MCM3AP: variants seen among roughly 807,000 people sequenced by gnomAD.
MCM3AP encodes the protein germinal-center associated nuclear protein.
MCM3AP carries 126 observed loss-of-function variants against 184.1 expected under a neutral mutation model. The observed-to-expected ratio is 0.68, with a 90% CI of 0.59 to 0.79. MCM3AP has a LOEUF of 0.79. MCM3AP is among the 30% of genes least tolerant of loss of function. The pLI, the probability that MCM3AP is intolerant of heterozygous loss-of-function variation, is 0.00. For missense variants in MCM3AP, 2,496 were observed against 2,479.2 expected, an observed-to-expected ratio of 1.01 and a Z score of -0.14; for synonymous variants, 1,002 against 979.3, an observed-to-expected ratio of 1.02 and a Z score of -0.43.
chr21:46,254,578 A>G, intron 18 of MCM3AP, 52 bp from the exon 19 acceptor site: 1 of 1,603,668 alleles, frequency 6.2e-7, no homozygotes, highest in Non-Finnish European at 8.5e-7. Context: ...CCCTTGCAGG[A>G]GCAGCACACA....
At chr21:46,263,683 G>A (rs534941057) in intron 13 of MCM3AP, among the ~76,000 whole-genome samples, 1 of 146,448 alleles carries the variant, frequency 6.8e-6, no homozygotes, top group South Asian at 2.2e-4. Flanking sequence ...GGGAAGCTGA[G>A]GCAGAAGAAT....
At chr21:46,262,167 T>C (rs17176520) in intron 13 of MCM3AP, among the ~76,000 whole-genome samples, 64,377 of 151,972 alleles carry the variant, frequency 0.42, 14,038 homozygotes, top group Admixed American at 0.48. Flanking sequence ...GTAAGGAGAC[T>C]TCCAAACAAA....
chr21:46,244,832 C>A lies in MCM3AP; in HGVS notation c.5013G>T (p.Pro1671=), dbSNP rs17183255. 15 of 1,613,572 alleles carry A rather than the reference C, an allele frequency of 9.3e-6. No homozygotes were observed. Among genetic ancestry groups the A allele is most frequent in the East Asian group, 2.2e-5 (1 of 44,884 alleles). ...LKQAVLGFQL[P]QMDLPPLGAP... Reference sequence around the variant, plus strand: ...CCCCCAGGGGTGGAAGGTCCATCTGCGGAAGCTGGAACCCGAGCACAGCCT... The same window carrying A: ...CCCCCAGGGGTGGAAGGTCCATCTGAGGAAGCTGGAACCCGAGCACAGCCT... Residue 1671 remains proline (P), a synonymous_variant, in exon 23 of 28, where the codon CCG becomes CCT. Transcript: ENST00000291688.
intron 7 of MCM3AP, 74 bp from the exon 8 acceptor site, chr21:46,272,903 C>T (rs1263287778): frequency 5.1e-6 from 7 of 1,379,546 alleles, no homozygotes; most frequent in South Asian, 4.3e-5. Flanking sequence ...GATCATGCTA[C>T]GACCTCAATT....
At chr21:46,280,825 A>C (rs1345913625) in intron 2 of MCM3AP, among the ~76,000 whole-genome samples, 2 of 144,054 alleles carry the variant, frequency 1.4e-5, no homozygotes, top group Admixed American at 7.0e-5. Context: ...TTTTTTTTTG[A>C]GACAGAGTCT....
chr21:46,245,244 A>G (rs2080746065), intron 22 of MCM3AP, 47 bp from the exon 23 acceptor site: 2 of 1,547,602 alleles, frequency 1.3e-6, no homozygotes, highest in East Asian at 4.5e-5. Context: ...ACTGTTTTTC[A>G]AAAACAGCTT....
chr21:46,258,788 C>G, intron 16 of MCM3AP, 151 bp downstream of exon 16: 1 of 698,728 alleles, frequency 1.4e-6, no homozygotes, highest in Non-Finnish European at 2.5e-6. Flanking sequence ...GCAGTATAAT[C>G]CAATTAGTCT....
rs541646179 is a variant in MCM3AP, at chr21:46,257,716, C to T, written c.3735-730G>A. Among the ~76,000 whole-genome samples, 7 of 151,652 alleles carry T rather than the reference C, an allele frequency of 4.6e-5. No homozygotes were observed. The East Asian group carries it at 5.8e-4, about 13-fold the overall frequency. ...CGGGCGGATCACGAGGTCAGGAGTT[C>T]GAGAGCAGCCTGGCCAATATGGTGA... On this transcript the variant is annotated intron_variant, in intron 16 of 27. Transcript: ENST00000291688.
chr21:46,277,649 G>C lies in MCM3AP; in HGVS notation c.1736C>G (p.Ser579Cys), dbSNP rs1325111166. The C allele has an allele frequency of 9.9e-6, 16 of 1,611,296 alleles. 1 individual carries two copies. The East Asian group carries it at 3.6e-4, about 36-fold the overall frequency. The change falls in exon 5 of 28, where the codon TCC (serine) becomes TGC (cysteine). Residue 579 changes from serine to cysteine, a missense_variant. Physicochemically the swap from Ser to Cys is moderately radical, Grantham distance 112 (BLOSUM62 -1). Transcript: ENST00000291688. ...QFEGDSFDSA[S>C]EGSEGLGPCV... ...TGGCCCGAGGCCCTCGGAGCCCTCG[G>C]AGGCTGAGTCAAAAGAGTCTCCCTC...
chr21:46,268,788 A>T (rs2081144245), intron 9 of MCM3AP, among the ~76,000 whole-genome samples: 1 of 152,236 alleles, frequency 6.6e-6, no homozygotes, highest in African/African-American at 2.4e-5. Context: ...TCATGCCTGT[A>T]ATCCCAGCAC....
chr21:46,271,717 C>T (rs377578189), intron 8 of MCM3AP, among the ~76,000 whole-genome samples: 19 of 151,716 alleles, frequency 1.3e-4, no homozygotes, highest in African/African-American at 3.9e-4. Flanking sequence ...AAAAATGAGG[C>T]GGGCATGGTG....
At position 46,285,236 on chromosome 21, in the gene MCM3AP, C is replaced by T; in HGVS notation, c.51G>A (p.Ala17=). 6.2e-7 allele frequency: 1 copy of T among 1,614,116 alleles called. No individual in the cohort carries two copies. Among genetic ancestry groups the T allele is most frequent in the Non-Finnish European group, 8.5e-7 (1 of 1,179,996 alleles). ...FSGQQPSAFS[A]SSSNVGTLPS... ...GAAGTGTTCCTACATTACTAGAAGA[C>T]GCCGAAAAAGCACTAGGCTGCTGCC... Residue 17 remains alanine, a synonymous_variant, in exon 1 of 28, where the codon GCG becomes GCA. Coordinates refer to ENST00000291688, the MANE Select transcript of MCM3AP (RefSeq NM_003906.5).
intron 19 of MCM3AP, 193 bp from the exon 20 acceptor site, chr21:46,251,875 C>A: frequency 3.7e-6 from 1 of 272,028 alleles, no homozygotes; most frequent in Non-Finnish European, 6.8e-6. Context: ...ACGATCTGTA[C>A]TCGTTCTTTT....
intron 19 of MCM3AP, chr21:46,252,915 T>C (rs1779940489): frequency 6.6e-6 from 1 of 152,074 alleles, no homozygotes; most frequent in South Asian, 2.1e-4. Flanking sequence ...GACTGAAGCA[T>C]GCAGATTGCT....
In MCM3AP at chr21:46,284,783, C is replaced by G; in HGVS notation, c.504G>C (p.Gln168His). ...LGAESEPEKTQSQIASGFFTF... is the reference protein window; with the variant it reads ...LGAESEPEKTHSQIASGFFTF... Reference sequence around the variant, plus strand: ...TAAAAAACCCAGAAGCAATTTGGCTCTGGGTTTTCTCTGGCTCAGATTCAG... The same window carrying G: ...TAAAAAACCCAGAAGCAATTTGGCTGTGGGTTTTCTCTGGCTCAGATTCAG... The change falls in exon 1 of 28, where the codon CAG becomes CAC. Residue 168 changes from glutamine (Q) to histidine (H), a missense_variant. By Grantham distance (24) the Gln-to-His change is conservative. Transcript: ENST00000291688. 1 of 1,613,730 alleles carries G rather than the reference C, an allele frequency of 6.2e-7. No homozygotes were observed. Among genetic ancestry groups the G allele is most frequent in the African/African-American group, 1.3e-5 (1 of 75,008 alleles).
chr21:46,263,582 G>A (rs919413401), intron 13 of MCM3AP, among the ~76,000 whole-genome samples: 7 of 151,456 alleles, frequency 4.6e-5, no homozygotes, highest in African/African-American at 1.2e-4. Flanking sequence ...CCAGGAGTTC[G>A]AGACCATCCC....
chr21:46,283,722 G>A lies in MCM3AP; in HGVS notation c.1336C>T (p.Leu446Phe). Reference protein sequence around the residue: ...AIQCKNIPDYLNDRTILENHF... With the variant: ...AIQCKNIPDYFNDRTILENHF... Reference sequence around the variant, plus strand: ...TTCTCCAGAATGGTCCTGTCGTTGAGGTAGTCAGGGATGTTCTTGCACTGG... The same window carrying A: ...TTCTCCAGAATGGTCCTGTCGTTGAAGTAGTCAGGGATGTTCTTGCACTGG... Residue 446 changes from leucine (L) to phenylalanine (F), a missense_variant, in exon 2 of 28, where the codon CTC becomes TTC. Physicochemically the swap from Leu to Phe is conservative, Grantham distance 22. Around this residue, in one of 5 missense-constraint regions of MCM3AP, gnomAD observed 800 missense variants for 717.1 expected, o/e 1.12. Transcript: ENST00000291688. 6.2e-7 allele frequency: 1 copy of A among 1,613,868 alleles called. No individual in the cohort carries two copies. Among genetic ancestry groups the A allele is most frequent in the East Asian group, 2.2e-5 (1 of 44,890 alleles).
chr21:46,278,989 GAAA>G (rs574954242), intron 4 of MCM3AP, among the ~76,000 whole-genome samples: 5 of 122,750 alleles, frequency 4.1e-5, no homozygotes, highest in East Asian at 2.3e-4. Context: ...AGCTCTTCAG[GAAA>G]AAAAAAAAAA....
rs910022825 is a variant in MCM3AP at position 46,235,480 on chromosome 21, C to T, written c.5785-54G>A. 10 of 1,485,546 alleles carry T rather than the reference C, an allele frequency of 6.7e-6. No homozygotes were observed. In the African/African-American group the frequency reaches 1.4e-4, roughly 21 times the overall value. 92.0% of individuals were successfully genotyped at this position (1,485,546 alleles called of 1,614,324 possible). A position where few individuals can be genotyped will look rare whatever the true frequency, so the allele number is the denominator to read the frequency against. ...TTTTGGGATGTCAATAAACCACGAC[C>T]TATCTCTGGGAAGGTACTAGATCTG... is the stretch of plus-strand genomic sequence containing the variant. On this transcript the variant is annotated intron_variant, in intron 27 of 27. Transcript: ENST00000291688.
Sources: gnomAD v4.1 joint callset for allele counts (sites outside exome capture counted in the v4.1 genomes callset) on GRCh38, gnomAD v4.1.1 for gene constraint, gnomAD v4.1.1 regional missense constraint, MANE v1.5 for transcripts, NCBI Gene and HGNC (gene_info 2026-07-23, HGNC 2026-07-21) for gene names.